Variants in FOXP1 observed in about 807,000 individuals in gnomAD.
The protein encoded by FOXP1 is forkhead box protein P1.
In FOXP1, 15 loss-of-function variants were observed where a neutral mutation model predicts 98.2. That is an observed-to-expected ratio of 0.15 (90% CI 0.10 to 0.24). FOXP1 has a LOEUF of 0.24. FOXP1 is among the 10% of genes least tolerant of loss of function. The pLI, the probability that FOXP1 is intolerant of heterozygous loss-of-function variation, is 1.00. For missense variants in FOXP1, 633 were observed against 848.5 expected (o/e 0.75, Z 3.15); for synonymous variants, 371 against 314.5 (o/e 1.18, Z -1.90).
At chr3:71,516,371 A>G (rs530426075) in intron 2 of FOXP1, among the ~76,000 whole-genome samples, 56 of 152,282 alleles carry the variant, frequency 3.7e-4, no homozygotes, top group African/African-American at 1.3e-3. Context: ...AAGTATAATC[A>G]ATTGGTAAAT....
intron 4 of FOXP1, chr3:71,333,340 CT>C (rs1252140113): frequency 1.3e-5 from 2 of 152,004 alleles, no homozygotes; most frequent in African/African-American, 4.8e-5. Context: ...AGAAAAATCA[CT>C]TTCACGTAAA....
intron 2 of FOXP1, among the ~76,000 whole-genome samples, chr3:71,515,999 C>T (rs1333601730): frequency 5.3e-5 from 8 of 152,140 alleles, no homozygotes; most frequent in African/African-American, 1.4e-4. Context: ...TTTAATCAAA[C>T]GCTCATTAAA....
chr3:71,538,992 G>T (rs181432170), intron 2 of FOXP1, among the ~76,000 whole-genome samples: 32 of 151,780 alleles, frequency 2.1e-4, no homozygotes, highest in Admixed American at 8.5e-4. Flanking sequence ...AAATGTAAGG[G>T]TTTATTTCTT....
At chr3:71,004,269 AT>A (rs1046647611) in intron 12 of FOXP1, among the ~76,000 whole-genome samples, 2 of 152,254 alleles carry the variant, frequency 1.3e-5, no homozygotes, top group African/African-American at 4.8e-5. Context: ...GGAAAAAAAA[AT>A]ATTACATGAG....
At chr3:71,391,837 GCTCT>G (rs1033051123) in intron 3 of FOXP1, among the ~76,000 whole-genome samples, 2 of 152,144 alleles carry the variant, frequency 1.3e-5, no homozygotes, top group Non-Finnish European at 2.9e-5. Flanking sequence ...GGGATCTGCT[GCTCT>G]CTCTCTGTGC....
chr3:71,116,793 T>A (rs572513312), intron 6 of FOXP1, among the ~76,000 whole-genome samples: 1 of 152,364 alleles, frequency 6.6e-6, no homozygotes, highest in East Asian at 1.9e-4. Flanking sequence ...AATTGTCACA[T>A]GCAAGGAGAG....
chr3:71,566,869 T>C lies in FOXP1; in HGVS notation c.-298+14680A>G, dbSNP rs370875949. ...TGTCTCCTTGAGCCTGGGCCCTGGG[T>C]GCTCCTAATAATCTCATCACACCCC... On this transcript the variant is annotated intron_variant, in intron 2 of 20. Coordinates refer to ENST00000649528, the MANE Select transcript of FOXP1 (RefSeq NM_001349338.3). Among the ~76,000 whole-genome samples the C allele has an allele frequency of 2.9e-4, 44 of 152,126 alleles. No individual in the cohort carries two copies. In the Middle Eastern group the frequency reaches 0.014, roughly 47 times the overall value.
rs545135474 is a variant in FOXP1, at chr3:71,528,784, A to C, written c.-297-35229T>G. 6.6e-5 allele frequency among the ~76,000 whole-genome samples: 10 copies of C among 152,358 alleles called. No homozygotes were observed. In the South Asian group the frequency reaches 2.1e-3, roughly 32 times the overall value. On this transcript the variant is annotated intron_variant, in intron 2 of 20. Transcript: ENST00000649528. ...TTACCCCAAACAAGTAAGAATGGAT[A>C]ATGTCACTCAGAACTTCAAAGACAC...
At chr3:71,357,657 C>A (rs780186125) in intron 4 of FOXP1, among the ~76,000 whole-genome samples, 7 of 152,136 alleles carry the variant, frequency 4.6e-5, no homozygotes, top group Non-Finnish European at 8.8e-5. Context: ...TTGGATAAGG[C>A]TACAGGGAAA....
intron 3 of FOXP1, among the ~76,000 whole-genome samples, chr3:71,371,557 A>G (rs1442807081): frequency 1.1e-4 from 17 of 152,338 alleles, no homozygotes. Flanking sequence ...AGCCTGAGGC[A>G]GGAAGATCGC....
chr3:71,044,517 C>T (rs1208996773), intron 10 of FOXP1, among the ~76,000 whole-genome samples: 1 of 152,114 alleles, frequency 6.6e-6, no homozygotes, highest in African/African-American at 2.4e-5. Flanking sequence ...TATTATAAAA[C>T]CTTCAGGGAA....
intron 4 of FOXP1, among the ~76,000 whole-genome samples, chr3:71,354,150 CAAAAA>C: frequency 7.7e-6 from 1 of 129,088 alleles, no homozygotes; most frequent in East Asian, 2.2e-4. Context: ...ATTAAAAATA[CAAAAA>C]AAAAAAAAAA....
intron 11 of FOXP1, among the ~76,000 whole-genome samples, chr3:71,029,819 G>A (rs1180706675): frequency 6.6e-6 from 1 of 152,132 alleles, no homozygotes; most frequent in Non-Finnish European, 1.5e-5. Context: ...AGTTCCTGAA[G>A]GGGAAGAACT....
At chr3:70,988,533 G>C (rs953225686) in intron 13 of FOXP1, among the ~76,000 whole-genome samples, 1 of 152,236 alleles carries the variant, frequency 6.6e-6, no homozygotes, top group African/African-American at 2.4e-5. Flanking sequence ...GATTAAGACA[G>C]TGCTGGCAAA....
chr3:71,086,891 T>C (rs1451131191), intron 7 of FOXP1, among the ~76,000 whole-genome samples: 1 of 152,188 alleles, frequency 6.6e-6, no homozygotes, highest in African/African-American at 2.4e-5. Context: ...AATCTATCTA[T>C]GCACAACCAT....
At chr3:71,119,408 C>A (rs2058598771) in intron 6 of FOXP1, among the ~76,000 whole-genome samples, 2 of 152,128 alleles carry the variant, frequency 1.3e-5, no homozygotes, top group African/African-American at 4.8e-5. Context: ...ATTTCTTTTC[C>A]TAGACTCTCT....
chr3:71,351,213 G>A (rs1278874730), intron 4 of FOXP1, among the ~76,000 whole-genome samples: 1 of 152,080 alleles, frequency 6.6e-6, no homozygotes, highest in Non-Finnish European at 1.5e-5. Context: ...AGACTTAATG[G>A]CATGATCGGA....
chr3:71,402,176 C>T (rs1325937291), intron 3 of FOXP1, among the ~76,000 whole-genome samples: 7 of 152,110 alleles, frequency 4.6e-5, no homozygotes, highest in Non-Finnish European at 8.8e-5. Flanking sequence ...AATCACAGGC[C>T]GGGCGCGGTG....
intron 3 of FOXP1, among the ~76,000 whole-genome samples, chr3:71,404,084 G>T (rs77969162): frequency 0.011 from 1,686 of 147,810 alleles, 39 homozygotes; most frequent in African/African-American, 0.04. Flanking sequence ...GGGCAATGGA[G>T]ATCCCCATGT....
Sources: gnomAD v4.1 joint callset for allele counts (sites outside exome capture counted in the v4.1 genomes callset) on GRCh38, gnomAD v4.1.1 for gene constraint, MANE v1.5 for transcripts, NCBI Gene and HGNC (gene_info 2026-07-23, HGNC 2026-07-21) for gene names.